CDH17: variants seen among roughly 807,000 people sequenced by gnomAD.
The protein encoded by CDH17 is cadherin 17.
Under a neutral mutation model 86.3 loss-of-function variants are expected in CDH17, and 67 were observed. The observed-to-expected ratio is 0.78, with a 90% CI of 0.64 to 0.95. The LOEUF (loss-of-function observed/expected upper bound fraction) is 0.95. Ranked by LOEUF, CDH17 falls within the 40% of genes least tolerant of loss-of-function variation. The pLI, the probability that CDH17 is intolerant of heterozygous loss-of-function variation, is 0.00. For missense variants in CDH17, 993 were observed against 1,017.6 expected (o/e 0.98, Z 0.33); for synonymous variants, 367 against 366.4 (o/e 1.00, Z -0.02).
intron 12 of CDH17, among the ~76,000 whole-genome samples, chr8:94,158,866 T>C (rs1259646381): frequency 6.6e-6 from 1 of 152,204 alleles, no homozygotes; most frequent in Non-Finnish European, 1.5e-5. Context: ...CTTCTGTCCA[T>C]TTTCTGTGAA....
At chr8:94,162,205 C>T in intron 10 of CDH17, 43 bp from the exon 11 acceptor site, 2 of 1,250,590 alleles carry the variant, frequency 1.6e-6, no homozygotes, top group Non-Finnish European at 2.3e-6. Context: ...TCACTGAAAA[C>T]CATGCATTAA....
At chr8:94,214,648 T>C (rs1304013039) in intron 1 of CDH17, among the ~76,000 whole-genome samples, 1 of 151,948 alleles carries the variant, frequency 6.6e-6, no homozygotes, top group Non-Finnish European at 1.5e-5. Flanking sequence ...AAAAACAAAT[T>C]GGACTGGACT....
At chr8:94,157,488 T>A (rs1248754575) in intron 12 of CDH17, among the ~76,000 whole-genome samples, 1 of 152,196 alleles carries the variant, frequency 6.6e-6, no homozygotes, top group Non-Finnish European at 1.5e-5. Flanking sequence ...AAGAACCTAA[T>A]CCGAGATCTA....
intron 3 of CDH17, among the ~76,000 whole-genome samples, chr8:94,180,538 A>T (rs1341913751): frequency 6.6e-6 from 1 of 152,182 alleles, no homozygotes; most frequent in Non-Finnish European, 1.5e-5. Context: ...CATGTAAAGG[A>T]TCCTCAATAA....
chr8:94,189,363 C>T, intron 2 of CDH17, 78 bp from the exon 3 acceptor site: 1 of 949,592 alleles, frequency 1.1e-6, no homozygotes, highest in Non-Finnish European at 1.6e-6. Flanking sequence ...GGGCTTCCAG[C>T]ACCAATATAC....
intron 1 of CDH17, among the ~76,000 whole-genome samples, chr8:94,200,002 A>G (rs113932569): frequency 1.3e-3 from 200 of 152,316 alleles, no homozygotes; most frequent in African/African-American, 3.9e-3. Context: ...TCTCTTCACA[A>G]TTCCCAACTT....
At chr8:94,141,370 G>C (rs144724547) in intron 15 of CDH17, among the ~76,000 whole-genome samples, 101 of 151,874 alleles carry the variant, frequency 6.7e-4, no homozygotes, top group African/African-American at 2.3e-3. Context: ...ATATTTAATG[G>C]TGAAAGGCTA....
chr8:94,188,309 T>C (rs1236394912), intron 3 of CDH17, among the ~76,000 whole-genome samples: 2 of 152,210 alleles, frequency 1.3e-5, no homozygotes, highest in African/African-American at 4.8e-5. Context: ...TTCCCAAATA[T>C]ATTTGATTCT....
chr8:94,184,165 G>C (rs1181449073), intron 3 of CDH17, among the ~76,000 whole-genome samples: 1 of 152,038 alleles, frequency 6.6e-6, no homozygotes. Flanking sequence ...TTTCTCAAAA[G>C]TTTAAACAGA....
At chr8:94,204,334 G>C (rs760872558) in intron 1 of CDH17, among the ~76,000 whole-genome samples, 1 of 152,022 alleles carries the variant, frequency 6.6e-6, no homozygotes, top group Non-Finnish European at 1.5e-5. Flanking sequence ...CCCGATGTGT[G>C]ATGTTCCCCT....
intron 14 of CDH17, among the ~76,000 whole-genome samples, chr8:94,147,301 G>A (rs963586791): frequency 6.6e-6 from 1 of 152,100 alleles, no homozygotes; most frequent in African/African-American, 2.4e-5. Flanking sequence ...AGAAGCAGAG[G>A]GCCTGTCCAT....
chr8:94,190,757 A>G (rs2130664939), intron 2 of CDH17, among the ~76,000 whole-genome samples: 1 of 152,330 alleles, frequency 6.6e-6, no homozygotes, highest in South Asian at 2.1e-4. Context: ...TAGGGAGAGC[A>G]AGCACACTCT....
intron 11 of CDH17, 112 bp from the exon 12 acceptor site, chr8:94,160,274 C>T: frequency 1.4e-6 from 1 of 740,662 alleles, no homozygotes; most frequent in Non-Finnish European, 2.2e-6. Flanking sequence ...TTGCATCAAT[C>T]TTCATGGGGC....
chr8:94,185,346 A>G (rs1037555588), intron 3 of CDH17, among the ~76,000 whole-genome samples: 2 of 152,026 alleles, frequency 1.3e-5, no homozygotes, highest in East Asian at 3.9e-4. Context: ...AACCATGATA[A>G]CCAGGCTATC....
intron 12 of CDH17, among the ~76,000 whole-genome samples, chr8:94,158,291 A>C (rs1812982968): frequency 6.6e-6 from 1 of 152,188 alleles, no homozygotes; most frequent in East Asian, 1.9e-4. Flanking sequence ...GAGTTTGGTC[A>C]GAGGCCTACT....
At chr8:94,153,679 T>A (rs557230115) in intron 12 of CDH17, among the ~76,000 whole-genome samples, 1 of 151,958 alleles carries the variant, frequency 6.6e-6, no homozygotes, top group Non-Finnish European at 1.5e-5. Context: ...CGCACACACA[T>A]ATATATATAC....
chr8:94,198,559 A>G (rs2130676625), intron 1 of CDH17, among the ~76,000 whole-genome samples: 1 of 152,326 alleles, frequency 6.6e-6, no homozygotes, highest in East Asian at 1.9e-4. Context: ...ATAGGCAATA[A>G]TGACACATTG....
At chr8:94,193,216 C>A (rs1190107358) in intron 2 of CDH17, among the ~76,000 whole-genome samples, 2 of 152,154 alleles carry the variant, frequency 1.3e-5, no homozygotes, top group Non-Finnish European at 2.9e-5. Context: ...AATGCATGTT[C>A]CCTTCTCAGA....
At chr8:94,177,762 A>G in intron 3 of CDH17, 41 bp from the exon 4 acceptor site, 1 of 1,599,724 alleles carries the variant, frequency 6.3e-7, no homozygotes, top group East Asian at 2.2e-5. Context: ...GTAAGGGAAA[A>G]AACAATGTTG....
Sources: gnomAD v4.1 joint callset for allele counts (sites outside exome capture counted in the v4.1 genomes callset) on GRCh38, gnomAD v4.1.1 for gene constraint, MANE v1.5 for transcripts, NCBI Gene and HGNC (gene_info 2026-07-23, HGNC 2026-07-21) for gene names.